PCDHGB6: variants seen among roughly 807,000 people sequenced by gnomAD.
PCDHGB6 encodes protocadherin gamma-B6.
In PCDHGB6, 51 loss-of-function variants were observed where a neutral mutation model predicts 59.1. The ratio of observed to expected loss-of-function variants is 0.86; its 90% confidence interval spans 0.69 to 1.09. PCDHGB6 has a LOEUF of 1.09. Among genes scored for constraint, PCDHGB6 ranks in the 50% least tolerant of loss-of-function variants. The pLI is 0.00. For synonymous variants in PCDHGB6, 466 were observed against 495.1 expected (o/e 0.94, Z 0.78); for missense variants, 1,148 against 1,205.1 (o/e 0.95, Z 0.70).
Position 141,485,920 on chromosome 5 carries a change from T to C in PCDHGB6, c.2419-8887T>C, listed in dbSNP as rs1374948804. ...CCTTCCAGCAATCCAGCTACAGGAT[T>C]AGTGTGTTGGAGAGCGCACCAGCGG... On this transcript the variant is annotated intron_variant, in intron 1 of 3. Transcript: ENST00000520790. This position sits in a 1 kb window ranked among gnomAD's most constrained non-coding sequence, Gnocchi z 5.7. 1.2e-6 allele frequency: 2 copies of C among 1,614,038 alleles called. No individual in the cohort carries two copies. Among genetic ancestry groups the C allele is most frequent in the Non-Finnish European group, 1.7e-6 (2 of 1,180,010 alleles).
chr5:141,419,315 C>A lies in PCDHGB6; in HGVS notation c.2418+8695C>A, dbSNP rs2096357855. ...TGACCCAGACTTCGGGCTCAACGGC[C>A]GTGTCTCCTACTCTCTCATTGCCAG... On this transcript the variant is annotated intron_variant, in intron 1 of 3. Transcript: ENST00000520790. 3 of 1,613,880 alleles carry A rather than the reference C, an allele frequency of 1.9e-6. No homozygotes were observed. Among genetic ancestry groups the A allele is most frequent in the Non-Finnish European group, 2.5e-6 (3 of 1,179,910 alleles).
intron 1 of PCDHGB6, among the ~76,000 whole-genome samples, chr5:141,445,834 T>G (rs1310067225): frequency 6.6e-6 from 1 of 152,218 alleles, no homozygotes; most frequent in Middle Eastern, 3.2e-3. Context: ...GGGAGAGCCT[T>G]GTAAATCACA....
In PCDHGB6 at chr5:141,487,743, G is replaced by C. The variant is rs1424889718; in HGVS notation, c.2419-7064G>C. The C allele has an allele frequency of 1.9e-6, 3 of 1,559,988 alleles. No homozygotes were observed. Among genetic ancestry groups the C allele is most frequent in the Non-Finnish European group, 2.6e-6 (3 of 1,150,774 alleles). ...AGTGATGTCACCATTTTTGTAAGAG[G>C]TAACTATGTGGTAGACGCTGTGCTT... On this transcript the variant is annotated intron_variant, in intron 1 of 3. Transcript: ENST00000520790. The surrounding 1 kb of genome is among the most constrained non-coding windows in gnomAD (Gnocchi z 5.0).
At chr5:141,415,425 T>G (rs777503392) in intron 1 of PCDHGB6, 7 of 1,614,080 alleles carry the variant, frequency 4.3e-6, no homozygotes, top group African/African-American at 1.3e-5. Context: ...TGGACGGGGT[T>G]CGGGCTTTCC....
Position 141,511,350 on chromosome 5 carries a change from C to G in PCDHGB6, c.*177C>G, listed in dbSNP as rs1303365585. 4.3e-6 allele frequency: 6 copies of G among 1,397,194 alleles called. No homozygotes were observed. Among genetic ancestry groups the G allele is most frequent in the East Asian group, 2.5e-5 (1 of 39,862 alleles). The allele number at this position is 1,397,194 out of a possible 1,614,324, so 86.5% of individuals were successfully genotyped here. On this transcript the variant is annotated 3_prime_UTR_variant, in exon 4 of 4. Transcript: ENST00000520790. ...CCCAGTCAGCACCTACCCCTTCCCC[C>G]CCAGGGGGTTGAATATGCAAAAGCA...
At position 141,419,228 on chromosome 5, in the gene PCDHGB6, T is replaced by G. The variant is rs761014077; in HGVS notation, c.2418+8608T>G. The G allele has an allele frequency of 2.5e-6, 4 of 1,613,874 alleles. No individual in the cohort carries two copies. The East Asian group carries it at 8.9e-5, about 36-fold the overall frequency. On this transcript the variant is annotated intron_variant, in intron 1 of 3. Coordinates refer to ENST00000520790, the MANE Select transcript of PCDHGB6 (RefSeq NM_018926.3). Reference sequence around the variant, plus strand: ...CGCGCCGGTTTTCGGACAGTCAGCCTACCTGGTCCACGTGCCAGAAAACAA... The same window carrying G: ...CGCGCCGGTTTTCGGACAGTCAGCCGACCTGGTCCACGTGCCAGAAAACAA...
chr5:141,448,166 A>G (rs1475687778), intron 1 of PCDHGB6, among the ~76,000 whole-genome samples: 2 of 151,978 alleles, frequency 1.3e-5, no homozygotes, highest in Non-Finnish European at 2.9e-5. Context: ...AAAGATCACT[A>G]CTATTCATCC....
chr5:141,420,197 A>C (rs760921171), intron 1 of PCDHGB6: 2 of 1,613,630 alleles, frequency 1.2e-6, no homozygotes, highest in South Asian at 2.2e-5. Context: ...CACACAAGAT[A>C]ACCTCAACAA....
intron 1 of PCDHGB6, 88 bp from the exon 2 acceptor site, chr5:141,494,719 C>T: frequency 6.2e-7 from 1 of 1,605,960 alleles, no homozygotes; most frequent in Non-Finnish European, 8.5e-7. Flanking sequence ...CCACTCCCCT[C>T]CTTCTCTCCC....
intron 1 of PCDHGB6, chr5:141,471,361 C>T (rs1206745378): frequency 6.6e-6 from 1 of 151,976 alleles, no homozygotes; most frequent in Non-Finnish European, 1.5e-5. Context: ...TCCAAGCCCC[C>T]TATTTTTATT....
At chr5:141,482,530 CAAA>C (rs3074545) in intron 1 of PCDHGB6, among the ~76,000 whole-genome samples, 29 of 76,552 alleles carry the variant, frequency 3.8e-4, no homozygotes, top group African/African-American at 9.1e-4. Context: ...GACAGACATG[CAAA>C]AAAAAAAAAA....
chr5:141,427,528 A>G (rs1360860476), intron 1 of PCDHGB6: 1 of 617,748 alleles, frequency 1.6e-6, no homozygotes, highest in Non-Finnish European at 3.0e-6. Context: ...CGGATCCCGG[A>G]GTACAACGTC....
At chr5:141,452,839 C>A (rs939513310) in intron 1 of PCDHGB6, among the ~76,000 whole-genome samples, 2 of 152,092 alleles carry the variant, frequency 1.3e-5, no homozygotes, top group Non-Finnish European at 2.9e-5. Flanking sequence ...TTGGTCCAGC[C>A]CACACTCTGG....
rs570083634 is a variant in PCDHGB6, at chr5:141,427,859, C to G, written c.2418+17239C>G. 25 of 1,556,390 alleles carry G rather than the reference C, an allele frequency of 1.6e-5. No homozygotes were observed. The Admixed American group carries it at 2.0e-4, about 13-fold the overall frequency. ...CCTTCGACCACGAGCAGCTGTGCGC[C>G]TTCGAGCTCACGATGCAGGCCCACG... On this transcript the variant is annotated intron_variant, in intron 1 of 3. Coordinates refer to ENST00000520790, the MANE Select transcript of PCDHGB6 (RefSeq NM_018926.3).
At chr5:141,481,606 C>T (rs2099540144) in intron 1 of PCDHGB6, among the ~76,000 whole-genome samples, 1 of 152,000 alleles carries the variant, frequency 6.6e-6, no homozygotes, top group South Asian at 2.1e-4. Context: ...TCACCTGAGG[C>T]CAGGAGTTCA....
intron 1 of PCDHGB6, among the ~76,000 whole-genome samples, chr5:141,460,478 A>G (rs989135238): frequency 6.6e-5 from 10 of 152,136 alleles, no homozygotes; most frequent in African/African-American, 2.4e-4. Context: ...GGAATATCCA[A>G]TTGTCTCTTT....
Position 141,489,263 on chromosome 5 carries a change from A to G in PCDHGB6, c.2419-5544A>G. The G allele has an allele frequency of 6.4e-7, 1 of 1,552,104 alleles. No homozygotes were observed. Among genetic ancestry groups the G allele is most frequent in the South Asian group, 1.3e-5 (1 of 79,626 alleles). On this transcript the variant is annotated intron_variant, in intron 1 of 3. Transcript: ENST00000520790. This position sits in a 1 kb window ranked among gnomAD's most constrained non-coding sequence, Gnocchi z 4.5. ...GTCATGGGGCCCAAGACACTCCCAC[A>G]GCTCGCTGGGAAATGGCAAGTGCTG...
intron 1 of PCDHGB6, among the ~76,000 whole-genome samples, chr5:141,481,109 A>G (rs959629019): frequency 6.6e-6 from 1 of 152,186 alleles, no homozygotes; most frequent in Non-Finnish European, 1.5e-5. Flanking sequence ...GGAACCTACC[A>G]ATCCATCATT....
rs2099696598 is a variant in PCDHGB6, at chr5:141,490,144, A to C, written c.2419-4663A>C. The C allele has an allele frequency of 2.5e-6, 4 of 1,614,214 alleles. No homozygotes were observed. In the East Asian group the frequency reaches 6.7e-5, roughly 27 times the overall value. ...TGGCCTAGACCCTAGCAGTGGGGCA[A>C]TCCATGTGTTGGGTCCCATAGACTT... On this transcript the variant is annotated intron_variant, in intron 1 of 3. Transcript: ENST00000520790. The surrounding 1 kb of genome is among the most constrained non-coding windows in gnomAD (Gnocchi z 5.4).
Sources: gnomAD v4.1 joint callset for allele counts (sites outside exome capture counted in the v4.1 genomes callset) on GRCh38, gnomAD v4.1.1 for gene constraint, Gnocchi (gnomAD v3.1) non-coding constraint, MANE v1.5 for transcripts, NCBI Gene and HGNC (gene_info 2026-07-23, HGNC 2026-07-21) for gene names.